Variants in ZFAT observed in about 807,000 individuals in gnomAD.
The protein encoded by ZFAT is zinc finger protein ZFAT.
Under a neutral mutation model 117.7 loss-of-function variants are expected in ZFAT, and 64 were observed. That is an observed-to-expected ratio of 0.54 (90% CI 0.44 to 0.67). The LOEUF (loss-of-function observed/expected upper bound fraction) is 0.67. ZFAT is among the 30% of genes least tolerant of loss of function. ZFAT has a pLI of 0.00. For missense variants in ZFAT, 1,433 were observed against 1,584.5 expected (o/e 0.90, Z 1.62); for synonymous variants, 679 against 615.0 (o/e 1.10, Z -1.54).
chr8:134,530,145 G>A (rs1821306451), intron 12 of ZFAT, among the ~76,000 whole-genome samples: 1 of 152,160 alleles, frequency 6.6e-6, no homozygotes, highest in African/African-American at 2.4e-5. Flanking sequence ...AGGAATCCCT[G>A]CACATGGTTT....
At chr8:134,580,303 A>T (rs765835585) in intron 10 of ZFAT, among the ~76,000 whole-genome samples, 17 of 152,236 alleles carry the variant, frequency 1.1e-4, no homozygotes, top group Admixed American at 3.9e-4. Flanking sequence ...GTTATTACTC[A>T]TACCACAAAT....
At position 134,482,034 on chromosome 8, in the gene ZFAT, G is replaced by T. The variant is rs538243187; in HGVS notation, c.3493-3313C>A. On this transcript the variant is annotated intron_variant, in intron 15 of 15. Coordinates refer to ENST00000377838, the MANE Select transcript of ZFAT (RefSeq NM_020863.4). ...CATCCGGCATGAGACGCTCTTCACT[G>T]CTTTCACCACTCTCCTCCCCAGCAC... Among the ~76,000 whole-genome samples the T allele has an allele frequency of 1.7e-3, 260 of 152,304 alleles. 1 individual carries two copies. Among genetic ancestry groups the T allele is most frequent in the South Asian group, 9.1e-3 (44 of 4,828 alleles).
chr8:134,666,917 G>A lies in ZFAT; in HGVS notation c.20-9180C>T, dbSNP rs568062886. ...CTAATTCAAGAAGCTGAGCAAACCC[G>A]ACAGGATAAACCCAAAGAAATCCAC... On this transcript the variant is annotated intron_variant, in intron 1 of 15. Transcript: ENST00000377838. Among the ~76,000 whole-genome samples, 17 of 152,286 alleles carry A rather than the reference G, an allele frequency of 1.1e-4. No individual in the cohort carries two copies. In the South Asian group the frequency reaches 1.7e-3, roughly 15 times the overall value.
chr8:134,832,012 GCCGCCGGC>G, the ZFAT span, among the ~76,000 whole-genome samples: 1 of 147,208 alleles, frequency 6.8e-6, no homozygotes, highest in Non-Finnish European at 1.5e-5. Context: ...GGGCGAGGAG[GCCGCCGGC>G]CCGCCGCGGC....
chr8:134,732,299 T>C, the ZFAT span, among the ~76,000 whole-genome samples: 1 of 152,096 alleles, frequency 6.6e-6, no homozygotes, highest in Non-Finnish European at 1.5e-5. Context: ...CTTTCCTCAC[T>C]GAAGCAAGCA....
At chr8:134,532,092 A>G (rs1000183735) in intron 12 of ZFAT, among the ~76,000 whole-genome samples, 1 of 152,250 alleles carries the variant, frequency 6.6e-6, no homozygotes, top group African/African-American at 2.4e-5. Context: ...GTAACAGCAC[A>G]TAAGCTAAGC....
intron 15 of ZFAT, among the ~76,000 whole-genome samples, chr8:134,483,624 C>T (rs1817468139): frequency 6.6e-6 from 1 of 152,180 alleles, no homozygotes; most frequent in African/African-American, 2.4e-5. Context: ...ACTCCATTTT[C>T]CCCAAATGCC....
the ZFAT span, among the ~76,000 whole-genome samples, chr8:134,814,551 C>G: frequency 6.6e-6 from 1 of 152,098 alleles, no homozygotes; most frequent in Non-Finnish European, 1.5e-5. Flanking sequence ...GGGAGGCAAA[C>G]AAGTGCAAGA....
upstream of ZFAT, among the ~76,000 whole-genome samples, chr8:134,716,199 A>G (rs1814210278): frequency 2.7e-5 from 4 of 150,044 alleles, no homozygotes; most frequent in Admixed American, 2.0e-4. Context: ...ATATATATGC[A>G]TATGTATGCA....
Position 134,519,824 on chromosome 8 carries a change from AT to A in ZFAT, c.3234+1058del, listed in dbSNP as rs968372461. Among the ~76,000 whole-genome samples the A allele has an allele frequency of 7.3e-4, 107 of 145,790 alleles. 1 individual carries two copies. The highest frequency in any genetic ancestry group is 1.5e-3 in the South Asian group (7 of 4,620). ...AGATGCTGGTGTTTGGATGACACAC[AT>A]TTTTTTTTTTATCTTAAGGATGTAT... On this transcript the variant is annotated intron_variant, in intron 13 of 15. Coordinates refer to ENST00000377838, the MANE Select transcript of ZFAT (RefSeq NM_020863.4).
chr8:134,555,832 A>G lies in ZFAT; in HGVS notation c.2976+9501T>C, dbSNP rs188861085. Among the ~76,000 whole-genome samples, 223 of 151,896 alleles carry G rather than the reference A, an allele frequency of 1.5e-3. 1 individual carries two copies. The highest frequency in any genetic ancestry group is 0.012 in the Admixed American group (181 of 15,254). On this transcript the variant is annotated intron_variant, in intron 11 of 15. Transcript: ENST00000377838. ...AGCTCTAGGAAAAAAAAAATAAAAAACATGTGTGAACAGATGATAAAATGT... is the reference window on the plus strand; with the variant it reads ...AGCTCTAGGAAAAAAAAAATAAAAAGCATGTGTGAACAGATGATAAAATGT...
chr8:134,721,330 A>C, the ZFAT span, among the ~76,000 whole-genome samples: 15 of 152,314 alleles, frequency 9.8e-5, no homozygotes, highest in African/African-American at 3.6e-4. Context: ...TACCAGTGCC[A>C]ACTGCTGCAC....
the ZFAT span, among the ~76,000 whole-genome samples, chr8:134,823,161 G>A: frequency 2.6e-5 from 4 of 152,136 alleles, no homozygotes; most frequent in Non-Finnish European, 5.9e-5. Flanking sequence ...AATCTCCCAT[G>A]TCAATCCATC....
At chr8:134,535,885 C>T (rs1821798991) in intron 11 of ZFAT, among the ~76,000 whole-genome samples, 1 of 152,138 alleles carries the variant, frequency 6.6e-6, no homozygotes, top group Admixed American at 6.5e-5. Flanking sequence ...TTAGCATTTA[C>T]ATACAAATCA....
At chr8:134,702,514 T>A (rs558124469) in intron 1 of ZFAT, among the ~76,000 whole-genome samples, 217 of 152,286 alleles carry the variant, frequency 1.4e-3, no homozygotes, top group Non-Finnish European at 2.5e-3. Flanking sequence ...ATAAGTCTCA[T>A]GAGACCTGAC....
chr8:134,541,966 C>T (rs1347009669), intron 11 of ZFAT, among the ~76,000 whole-genome samples: 1 of 152,234 alleles, frequency 6.6e-6, no homozygotes, highest in African/African-American at 2.4e-5. Flanking sequence ...ACTGGAGGTC[C>T]TGAGTGTTTA....
In ZFAT at chr8:134,665,592, G is replaced by A. The variant is rs113029443; in HGVS notation, c.20-7855C>T. 6.8e-4 allele frequency among the ~76,000 whole-genome samples: 104 copies of A among 152,264 alleles called. 1 individual carries two copies. Among genetic ancestry groups the A allele is most frequent in the Middle Eastern group, 3.4e-3 (1 of 294 alleles). Reference sequence around the variant, plus strand: ...TTTCCATTATTGTTTATTACAAAACGTACATAGAAGTACATGCTCATGGTA... The same window carrying A: ...TTTCCATTATTGTTTATTACAAAACATACATAGAAGTACATGCTCATGGTA... On this transcript the variant is annotated intron_variant, in intron 1 of 15. Transcript: ENST00000377838.
chr8:134,646,324 T>G (rs940949762), intron 2 of ZFAT, among the ~76,000 whole-genome samples: 7 of 152,202 alleles, frequency 4.6e-5, no homozygotes, highest in Non-Finnish European at 8.8e-5. Flanking sequence ...AAATAGCCAT[T>G]GGGCCAAAAA....
chr8:134,696,063 G>C (rs1237752923), intron 1 of ZFAT, among the ~76,000 whole-genome samples: 1 of 148,018 alleles, frequency 6.8e-6, no homozygotes, highest in East Asian at 2.1e-4. Context: ...CCCTGCCTGC[G>C]TCTCTAACTA....
Sources: gnomAD v4.1 joint callset for allele counts (sites outside exome capture counted in the v4.1 genomes callset) on GRCh38, gnomAD v4.1.1 for gene constraint, MANE v1.5 for transcripts, NCBI Gene and HGNC (gene_info 2026-07-23, HGNC 2026-07-21) for gene names.